INTS6: variants seen among roughly 807,000 people sequenced by gnomAD.
INTS6 encodes the protein integrator complex subunit 6.
In INTS6, 16 loss-of-function variants were observed where a neutral mutation model predicts 104.9. The ratio of observed to expected loss-of-function variants is 0.15; its 90% CI spans 0.10 to 0.23. The LOEUF is 0.23. INTS6 is among the 10% of genes least tolerant of loss of function. INTS6 has a pLI of 1.00. For missense variants in INTS6, 584 were observed against 1,062.8 expected, an observed-to-expected ratio of 0.55 and a Z score of 6.26; for synonymous variants, 324 against 358.7, an observed-to-expected ratio of 0.90 and a Z score of 1.09.
intron 3 of INTS6, chr13:51,443,174 A>G (rs1952829139): frequency 6.6e-6 from 1 of 152,222 alleles, no homozygotes; most frequent in African/African-American, 2.4e-5. Context: ...CAATTTTTAA[A>G]AATATTTCAT....
At chr13:51,341,174 T>G in the INTS6 span, 1 of 1,614,050 alleles carries the variant, frequency 6.2e-7, no homozygotes, top group Non-Finnish European at 8.5e-7. Flanking sequence ...GGAATGACAT[T>G]GCTGAAGACT....
At chr13:51,414,977 C>G (rs556842372) in intron 4 of INTS6, among the ~76,000 whole-genome samples, 2 of 151,830 alleles carry the variant, frequency 1.3e-5, no homozygotes, top group African/African-American at 4.8e-5. Context: ...AAGAACAATT[C>G]GAAAGTCAAG....
At chr13:51,417,554 A>G (rs1956813272) in intron 4 of INTS6, among the ~76,000 whole-genome samples, 1 of 149,972 alleles carries the variant, frequency 6.7e-6, no homozygotes, top group South Asian at 2.1e-4. Context: ...GCCCAGGTTC[A>G]AGCCATTCTC....
intron 4 of INTS6, among the ~76,000 whole-genome samples, chr13:51,428,924 TTA>T (rs1957033162): frequency 6.6e-6 from 1 of 152,230 alleles, no homozygotes; most frequent in African/African-American, 2.4e-5. Context: ...GAGCAGAGAA[TTA>T]TATCTCTTTA....
At chr13:51,390,224 T>G (rs1325759390) in intron 5 of INTS6, among the ~76,000 whole-genome samples, 4 of 152,028 alleles carry the variant, frequency 2.6e-5, no homozygotes, top group Admixed American at 6.6e-5. Flanking sequence ...TATTGAGAAC[T>G]TGAAATATAG....
intron 15 of INTS6, among the ~76,000 whole-genome samples, chr13:51,370,117 C>T (rs1955775193): frequency 6.6e-6 from 1 of 152,094 alleles, no homozygotes; most frequent in Non-Finnish European, 1.5e-5. Flanking sequence ...AAATTCCTGA[C>T]TCTCTCCTAA....
In INTS6 at chr13:51,361,931, T is replaced by C; in HGVS notation, c.*3821A>G. 1 of 1,611,978 alleles carries C rather than the reference T, an allele frequency of 6.2e-7. No homozygotes were observed. Among genetic ancestry groups the C allele is most frequent in the Non-Finnish European group, 8.5e-7 (1 of 1,178,656 alleles). ...TTTTTGACAGGATTCAGATAATTTA[T>C]CAGTGTCTCTCTAGCAACAAGGGCT... On this transcript the variant is annotated 3_prime_UTR_variant, in exon 18 of 18. Transcript: ENST00000311234.
intron 3 of INTS6, among the ~76,000 whole-genome samples, chr13:51,436,197 CT>C (rs1952683249): frequency 6.6e-6 from 1 of 152,042 alleles, no homozygotes; most frequent in South Asian, 2.1e-4. Context: ...AATTGGGTAA[CT>C]TTTTATAATA....
At chr13:51,347,959 C>G in the INTS6 span, among the ~76,000 whole-genome samples, 2 of 151,896 alleles carry the variant, frequency 1.3e-5, no homozygotes, top group African/African-American at 4.8e-5. Flanking sequence ...GCCATCGTCC[C>G]CCCCCCCATA....
intron 4 of INTS6, among the ~76,000 whole-genome samples, chr13:51,413,690 T>C (rs1218545133): frequency 6.6e-6 from 1 of 152,162 alleles, no homozygotes; most frequent in Non-Finnish European, 1.5e-5. Context: ...AAAAAATATT[T>C]CCTAGCTCTG....
chr13:51,395,509 A>G, intron 4 of INTS6, 26 bp from the exon 5 acceptor site: 1 of 1,591,294 alleles, frequency 6.3e-7, no homozygotes, highest in Non-Finnish European at 8.6e-7. Flanking sequence ...AAAAACAGTA[A>G]TAAGAATTCC....
the INTS6 span, chr13:51,344,468 C>A: frequency 6.3e-7 from 1 of 1,589,480 alleles, no homozygotes; most frequent in East Asian, 2.3e-5. Flanking sequence ...AGCGAAGGGG[C>A]CTCCAGAGAG....
chr13:51,342,582 A>G, the INTS6 span, among the ~76,000 whole-genome samples: 1 of 152,186 alleles, frequency 6.6e-6, no homozygotes. Flanking sequence ...GCTAGGGCAG[A>G]GAAAAGATTT....
intron 4 of INTS6, among the ~76,000 whole-genome samples, chr13:51,409,258 G>A (rs1250445778): frequency 1.5e-5 from 2 of 129,710 alleles, no homozygotes; most frequent in South Asian, 2.5e-4. Context: ...GTGAGAATCC[G>A]TCTCAAATAA....
intron 4 of INTS6, among the ~76,000 whole-genome samples, chr13:51,414,948 C>T (rs1956759780): frequency 6.6e-6 from 1 of 151,874 alleles, no homozygotes; most frequent in African/African-American, 2.4e-5. Context: ...CCAATCCCTA[C>T]TTCTTTCTAA....
At chr13:51,336,517 T>C in the INTS6 span, among the ~76,000 whole-genome samples, 1 of 152,064 alleles carries the variant, frequency 6.6e-6, no homozygotes, top group East Asian at 1.9e-4. Context: ...AATAAAAACA[T>C]ATTTCTGGAT....
intron 4 of INTS6, among the ~76,000 whole-genome samples, chr13:51,412,906 T>C (rs1421124085): frequency 6.6e-6 from 1 of 152,176 alleles, no homozygotes; most frequent in Non-Finnish European, 1.5e-5. Flanking sequence ...AGAAACTAGA[T>C]CAACTAGTAG....
At chr13:51,347,222 G>C in the INTS6 span, 1 of 1,613,622 alleles carries the variant, frequency 6.2e-7, no homozygotes, top group South Asian at 1.1e-5. Context: ...CCAAACGACC[G>C]AGGTCAACTA....
Position 51,362,051 on chromosome 13 carries a change from A to AG in INTS6, c.*3700dup. The AG allele has an allele frequency of 6.3e-7, 1 of 1,581,360 alleles. No homozygotes were observed. The highest frequency in any genetic ancestry group is 1.2e-5 in the South Asian group (1 of 84,552). On this transcript the variant is annotated 3_prime_UTR_variant, in exon 18 of 18. Transcript: ENST00000311234. ...CAGTTGCTATCTTCTATCCTAAGAA[A>AG]GGGGACTATTTCGTAAGTACAAAGG...
Sources: allele counts gnomAD v4.1 joint callset (sites outside exome capture counted in the v4.1 genomes callset), GRCh38; gene constraint gnomAD v4.1.1; transcripts MANE v1.5; gene names NCBI Gene and HGNC (gene_info 2026-07-23, HGNC 2026-07-21).